The following ZDHHC8 variants were observed in gnomAD, a reference collection of about 807,000 sequenced individuals.
The protein encoded by ZDHHC8 is zDHHC palmitoyltransferase 8, also known as palmitoyltransferase ZDHHC8.
Under a neutral mutation model 61.2 loss-of-function variants are expected in ZDHHC8, and 24 were observed. The observed-to-expected ratio is 0.39, with a 90% CI of 0.28 to 0.55. The LOEUF is 0.55. Among genes scored for constraint, ZDHHC8 ranks in the 20% least tolerant of loss-of-function variants. The probability of loss-of-function intolerance (pLI) is 0.60; values close to 1 mark genes in which losing one functional copy is unlikely to be tolerated. For missense variants in ZDHHC8, 935 were observed against 1,102.1 expected (o/e 0.85, Z 2.15); for synonymous variants, 523 against 492.5 (o/e 1.06, Z -0.82).
intron 10 of ZDHHC8, 94 bp from the exon 11 acceptor site, chr22:20,145,135 C>CCG: frequency 8.4e-7 from 1 of 1,195,212 alleles, no homozygotes; most frequent in Non-Finnish European, 1.1e-6. Context: ...TAGTCCACGT[C>CCG]CGCGTCGTCT....
intron 5 of ZDHHC8, 66 bp from the exon 6 acceptor site, chr22:20,140,551 C>T: frequency 6.8e-7 from 1 of 1,469,510 alleles, no homozygotes; most frequent in South Asian, 1.4e-5. Context: ...CTCCCTTGCC[C>T]AGCCCCCTGC....
Position 20,141,503 on chromosome 22 carries a change from G to T in ZDHHC8, c.1098G>T (p.Lys366Asn). 6.2e-7 allele frequency: 1 copy of T among 1,612,910 alleles called. No individual in the cohort carries two copies. The highest frequency in any genetic ancestry group is 2.2e-5 in the East Asian group (1 of 44,878). Residue 366 changes from lysine to asparagine, a missense_variant, in exon 9 of 11, where the codon AAG (lysine) becomes AAT (asparagine). Physicochemically the swap from Lys to Asn is moderately conservative, Grantham distance 94. Coordinates refer to ENST00000334554, the MANE Select transcript of ZDHHC8 (RefSeq NM_013373.4). Reference sequence around the variant, plus strand: ...GGCCGGCTTTCCCCACGGGTCCCAAGGTGCCCTTCTGTGGACCAGGCGAGC... The same window carrying T: ...GGCCGGCTTTCCCCACGGGTCCCAATGTGCCCTTCTGTGGACCAGGCGAGC... ...KFRPAFPTGP[K>N]VPFCGPGEQV...
chr22:20,146,657 T>C lies in ZDHHC8; in HGVS notation c.*1257T>C. ...CGGCCGATGGTCTGTGGCTGGGAAG[T>C]GTGAGGGTCTCTCGCCTTGGGTCTG... is the stretch of plus-strand genomic sequence containing the variant. On this transcript the variant is annotated 3_prime_UTR_variant, in exon 11 of 11. Coordinates refer to ENST00000334554, the MANE Select transcript of ZDHHC8 (RefSeq NM_013373.4). 9.7e-7 allele frequency: 1 copy of C among 1,026,324 alleles called. No individual in the cohort carries two copies. Among genetic ancestry groups the C allele is most frequent in the Non-Finnish European group, 1.2e-6 (1 of 857,126 alleles). The allele number at this position is 1,026,324 out of a possible 1,614,324, so 63.6% of individuals were successfully genotyped here. A position where few individuals can be genotyped will look rare whatever the true frequency, so the allele number is the denominator to read the frequency against.
chr22:20,139,163 C>T (rs369901564), intron 1 of ZDHHC8, 31 bp from the exon 2 acceptor site: 2 of 1,605,026 alleles, frequency 1.2e-6, no homozygotes, highest in Non-Finnish European at 1.7e-6. Context: ...CACCCCCAGA[C>T]TCCACTCTCT....
At chr22:20,134,005 G>C (rs1312514190) in intron 1 of ZDHHC8, among the ~76,000 whole-genome samples, 1 of 152,208 alleles carries the variant, frequency 6.6e-6, no homozygotes, top group South Asian at 2.1e-4. Context: ...CTGAGCACCA[G>C]TTTCCCCTCC....
In ZDHHC8 at chr22:20,142,903, G is replaced by T. The variant is rs775837763; in HGVS notation, c.1273G>T (p.Ala425Ser). ...PPSPPLSASD[A>S]FSGALRSLSL... ...ATCCCCACCGCTCAGCGCCTCTGAT[G>T]CCTTCTCGGGCGCTTTGCGCTCCCT... The change falls in exon 10 of 11, where the codon GCC (alanine) becomes TCC (serine). Residue 425 changes from alanine (A) to serine (S), a missense_variant. This residue lies in a region of ZDHHC8 where 692 missense variants were observed against 731.4 expected (regional missense o/e 0.95). Transcript: ENST00000334554. 1.9e-6 allele frequency: 3 copies of T among 1,609,832 alleles called. No homozygotes were observed. Among genetic ancestry groups the T allele is most frequent in the Admixed American group, 3.3e-5 (2 of 59,736 alleles).
Position 20,131,866 on chromosome 22 carries a change from C to A in ZDHHC8, c.-82C>A. ...GCCGCGGGTCCTGCGCCGCGTCCAG[C>A]CCGCCCGCCCGACCCCGGCCCGACC... On this transcript the variant is annotated 5_prime_UTR_variant, in exon 1 of 11. Transcript: ENST00000334554. 1 of 200,432 alleles carries A rather than the reference C, an allele frequency of 5.0e-6. No individual in the cohort carries two copies. The highest frequency in any genetic ancestry group is 8.7e-6 in the Non-Finnish European group (1 of 114,944). 12.4% of individuals were successfully genotyped at this position (200,432 alleles called of 1,614,324 possible). A position where few individuals can be genotyped will look rare whatever the true frequency, so the allele number is the denominator to read the frequency against.
At chr22:20,134,685 T>C (rs890309139) in intron 1 of ZDHHC8, among the ~76,000 whole-genome samples, 3 of 152,234 alleles carry the variant, frequency 2.0e-5, no homozygotes, top group African/African-American at 7.2e-5. Context: ...GCTTCACCCA[T>C]GCACCAGGTG....
chr22:20,143,657 C>T lies in ZDHHC8; in HGVS notation c.2027C>T (p.Pro676Leu), dbSNP rs1454694470. The T allele has an allele frequency of 8.1e-6, 13 of 1,608,010 alleles. No homozygotes were observed. The highest frequency in any genetic ancestry group is 3.3e-5 in the Admixed American group (2 of 59,846). ...RSPARQGLPS[P>L]PGTPHSPSYA... is the part of the protein sequence containing the mutation. ...CCTGCACGCCAGGGCCTGCCCTCCC[C>T]GCCCGGCACTCCCCACTCACCATCC... Residue 676 changes from proline to leucine, a missense_variant, in exon 10 of 11, where the codon CCG becomes CTG. Physicochemically the swap from Pro to Leu is moderately conservative, Grantham distance 98. Around this residue, in one of 3 missense-constraint regions of ZDHHC8, gnomAD observed 692 missense variants for 731.4 expected, o/e 0.95. Coordinates refer to ENST00000334554, the MANE Select transcript of ZDHHC8 (RefSeq NM_013373.4).
chr22:20,133,740 A>AT (rs2050397769), intron 1 of ZDHHC8, among the ~76,000 whole-genome samples: 1 of 149,258 alleles, frequency 6.7e-6, no homozygotes, highest in African/African-American at 2.5e-5. Context: ...AAAAAAAAAA[A>AT]GTATGTTCTT....
Position 20,145,847 on chromosome 22 carries a change from CCCGGA to C in ZDHHC8, c.*451_*455del, listed in dbSNP as rs1244651898. 1.0e-6 allele frequency: 1 copy of C among 986,702 alleles called. No individual in the cohort carries two copies. Among genetic ancestry groups the C allele is most frequent in the Non-Finnish European group, 1.2e-6 (1 of 830,842 alleles). The allele number at this position is 986,702 out of a possible 1,614,324, so 61.1% of individuals were successfully genotyped here. A position where few individuals can be genotyped will look rare whatever the true frequency, so the allele number is the denominator to read the frequency against. ...GTCCTTCTGACACAGCCTGTGGGCT[CCCGGA>C]CCGAGTGTCCCCCGCCAGGCTACTC... is the stretch of plus-strand genomic sequence containing the variant. On this transcript the variant is annotated 3_prime_UTR_variant, in exon 11 of 11. Transcript: ENST00000334554.
chr22:20,134,918 C>G (rs2050407289), intron 1 of ZDHHC8, among the ~76,000 whole-genome samples: 1 of 151,996 alleles, frequency 6.6e-6, no homozygotes, highest in Non-Finnish European at 1.5e-5. Flanking sequence ...TTCAGGAAGC[C>G]TTCCTAGGAT....
rs2050545134 is a variant in ZDHHC8 at position 20,147,833 on chromosome 22, A to C, written c.*2433A>C. 6.6e-6 allele frequency: 1 copy of C among 152,456 alleles called. No individual in the cohort carries two copies. The highest frequency in any genetic ancestry group is 2.1e-4 in the South Asian group (1 of 4,836). 9.4% of individuals were successfully genotyped at this position (152,456 alleles called of 1,614,324 possible). A position where few individuals can be genotyped will look rare whatever the true frequency, so the allele number is the denominator to read the frequency against. On this transcript the variant is annotated 3_prime_UTR_variant, in exon 11 of 11. Coordinates refer to ENST00000334554, the MANE Select transcript of ZDHHC8 (RefSeq NM_013373.4). ...CTCCAGCAGTGGTACGGCCTGCGGC[A>C]GGGTGGCACTCCGGCCAGCCCTTCT... is the stretch of plus-strand genomic sequence containing the variant.
chr22:20,139,886 C>T lies in ZDHHC8; in HGVS notation c.551C>T (p.Thr184Ile), dbSNP rs370770315. 6.2e-7 allele frequency: 1 copy of T among 1,611,954 alleles called. No homozygotes were observed. Among genetic ancestry groups the T allele is most frequent in the South Asian group, 1.1e-5 (1 of 91,076 alleles). Residue 184 changes from threonine to isoleucine, a missense_variant, in exon 4 of 11, where the codon ACC becomes ATC. Thr to Ile is a moderately conservative substitution (Grantham distance 89). Coordinates refer to ENST00000334554, the MANE Select transcript of ZDHHC8 (RefSeq NM_013373.4). ...HAEGLGAAHT[T>I]ITMAVMCVAG... ...GAGGGGCTGGGAGCCGCGCACACCA[C>T]CATCACGTATCCTTGGTTCCTGTGG... is the stretch of plus-strand genomic sequence containing the variant.
Position 20,143,241 on chromosome 22 carries a change from G to T in ZDHHC8, c.1611G>T (p.Ser537=). 2 of 1,606,618 alleles carry T rather than the reference G, an allele frequency of 1.2e-6. No homozygotes were observed. Among genetic ancestry groups the T allele is most frequent in the Non-Finnish European group, 1.7e-6 (2 of 1,179,518 alleles). Residue 537 remains serine (S), a synonymous_variant, in exon 10 of 11, where the codon TCG becomes TCT. Coordinates refer to ENST00000334554, the MANE Select transcript of ZDHHC8 (RefSeq NM_013373.4). ...TGGGCCCCCGCCCCCGGGAGCCCTC[G>T]CCTGTGCGCTACGACAACCTGTCCA... The part of the protein sequence containing the change: ...PVLGPRPREP[S]PVRYDNLSRT...
At chr22:20,144,547 C>T (rs1378487657) in intron 10 of ZDHHC8, among the ~76,000 whole-genome samples, 2 of 152,236 alleles carry the variant, frequency 1.3e-5, no homozygotes, top group African/African-American at 4.8e-5. Flanking sequence ...CCCAGCCCAG[C>T]CCAGCCCAGG....
rs1225822560 is a variant in ZDHHC8 at position 20,146,869 on chromosome 22, G to T, written c.*1469G>T. The T allele has an allele frequency of 7.9e-7, 1 of 1,270,500 alleles. No homozygotes were observed. The highest frequency in any genetic ancestry group is 9.9e-7 in the Non-Finnish European group (1 of 1,009,486). The allele number at this position is 1,270,500 out of a possible 1,614,324, so 78.7% of individuals were successfully genotyped here. The stretch of plus-strand genomic sequence containing the variant: ...CTCTCCTGCCTGCCACATGCCAGGG[G>T]CAGGGCTGAGGGAGTGTGAGGGATG... On this transcript the variant is annotated 3_prime_UTR_variant, in exon 11 of 11. Transcript: ENST00000334554.
Position 20,140,194 on chromosome 22 carries a change from C to T in ZDHHC8, c.637C>T (p.Arg213Trp), listed in dbSNP as rs778980098. ...LTGFHVVLVT[R>W]GRTTNEQVTG... ...TGGCTTCCATGTGGTGCTGGTCACT[C>T]GGGGGCGCACCACCAACGAGCAGGT... Residue 213 changes from arginine (R) to tryptophan (W), a missense_variant, in exon 5 of 11, where the codon CGG becomes TGG. This residue lies in a region of ZDHHC8 where 199 missense variants were observed against 334.0 expected (regional missense o/e 0.60). Transcript: ENST00000334554. The T allele has an allele frequency of 8.7e-6, 14 of 1,612,840 alleles. No individual in the cohort carries two copies. The highest frequency in any genetic ancestry group is 4.5e-5 in the East Asian group (2 of 44,870).
chr22:20,140,293 G>A, intron 5 of ZDHHC8, 76 bp downstream of exon 5: 1 of 1,416,586 alleles, frequency 7.1e-7, no homozygotes, highest in Non-Finnish European at 9.6e-7. Context: ...GGTGGGGGCT[G>A]GGGCACCCTT....
Sources: allele counts gnomAD v4.1 joint callset (sites outside exome capture counted in the v4.1 genomes callset), GRCh38; gene constraint gnomAD v4.1.1; regional missense constraint gnomAD v4.1.1; transcripts MANE v1.5; gene names NCBI Gene and HGNC (gene_info 2026-07-23, HGNC 2026-07-21).